Variants in SGSM1 observed in about 807,000 individuals in gnomAD.
SGSM1 encodes RUN and TBC1 domain containing 2.
A neutral mutation model predicts 133.8 loss-of-function variants in SGSM1; 73 were observed. The ratio of observed to expected loss-of-function variants is 0.55; its 90% CI spans 0.45 to 0.66. The LOEUF (loss-of-function observed/expected upper bound fraction) is 0.66. SGSM1 is among the 30% of genes least tolerant of loss of function. The pLI is 0.00. For missense variants in SGSM1, 1,213 were observed against 1,448.1 expected (o/e 0.84, Z 2.64); for synonymous variants, 563 against 573.0 (o/e 0.98, Z 0.25).
At chr22:24,844,619 A>G (rs9612790) in intron 2 of SGSM1, 10,822 of 430,708 alleles carry the variant, frequency 0.025, 194 homozygotes, top group Middle Eastern at 0.047. Flanking sequence ...CAGTGTGGTC[A>G]GGAAAGGAGA....
Position 24,834,490 on chromosome 22 carries a change from C to T in SGSM1, c.64-10407C>T, listed in dbSNP as rs575665655. Among the ~76,000 whole-genome samples the T allele has an allele frequency of 1.3e-3, 201 of 152,306 alleles. 1 individual carries two copies. Among genetic ancestry groups the T allele is most frequent in the Non-Finnish European group, 2.4e-3 (160 of 68,026 alleles). On this transcript the variant is annotated intron_variant, in intron 2 of 24. Transcript: ENST00000400358. ...AGAGTTTAATAGTTGACATGGAGATCATATTACCCACAAAGCAGACATTAT... is the reference window on the plus strand; with the variant it reads ...AGAGTTTAATAGTTGACATGGAGATTATATTACCCACAAAGCAGACATTAT...
Position 24,856,832 on chromosome 22 carries a change from G to A in SGSM1, c.801+1152G>A, listed in dbSNP as rs368758400. Among the ~76,000 whole-genome samples, 53 of 149,982 alleles carry A rather than the reference G, an allele frequency of 3.5e-4. No individual in the cohort carries two copies. In the South Asian group the frequency reaches 3.8e-3, roughly 11 times the overall value. On this transcript the variant is annotated intron_variant, in intron 8 of 24. Coordinates refer to ENST00000400358, the MANE Select transcript of SGSM1 (RefSeq NM_001098497.3). The stretch of plus-strand genomic sequence containing the variant: ...TGCCCAGGCTGGCATGCAGGGGTGC[G>A]ATTTCAGCTCACTGCAAGCTCCACC...
intron 21 of SGSM1, among the ~76,000 whole-genome samples, chr22:24,906,690 C>T (rs1044297310): frequency 1.1e-4 from 16 of 152,206 alleles, no homozygotes; most frequent in East Asian, 5.8e-4. Flanking sequence ...CCCAGCGTTT[C>T]GGGAGGCCAA....
intron 2 of SGSM1, chr22:24,814,001 CCT>C (rs1927912794): frequency 6.6e-6 from 1 of 152,220 alleles, no homozygotes; most frequent in Non-Finnish European, 1.5e-5. Flanking sequence ...GCTTGTGGCT[CCT>C]AACAGGTCCC....
chr22:24,903,313 A>G (rs1276776960), intron 20 of SGSM1, among the ~76,000 whole-genome samples: 1 of 151,576 alleles, frequency 6.6e-6, no homozygotes, highest in African/African-American at 2.4e-5. Context: ...GGTTCAAGCA[A>G]TTCTCCTACC....
chr22:24,814,523 A>G (rs558005954), intron 2 of SGSM1, among the ~76,000 whole-genome samples: 42 of 146,144 alleles, frequency 2.9e-4, no homozygotes, highest in African/African-American at 1.0e-3. Context: ...ACAGGGTTCC[A>G]AGCTCCACCG....
chr22:24,831,998 C>T (rs140689655), intron 2 of SGSM1, among the ~76,000 whole-genome samples: 3 of 152,274 alleles, frequency 2.0e-5, no homozygotes, highest in African/African-American at 7.2e-5. Flanking sequence ...CCCAGAGAGT[C>T]GGGGCAGCAG....
intron 9 of SGSM1, among the ~76,000 whole-genome samples, chr22:24,866,800 T>G (rs1294801813): frequency 6.6e-6 from 1 of 152,186 alleles, no homozygotes; most frequent in East Asian, 1.9e-4. Context: ...TGGGACAGGT[T>G]GATTGGCCAG....
chr22:24,853,769 A>ATTTTTTTTTTTTTT (rs57736929), intron 5 of SGSM1, among the ~76,000 whole-genome samples: 21 of 123,434 alleles, frequency 1.7e-4, no homozygotes, highest in African/African-American at 3.3e-4. Context: ...CGCCTGGTGA[A>ATTTTTTTTTTTTTT]TTTTTTTTTT....
chr22:24,838,493 C>CT (rs1158891571), intron 2 of SGSM1, among the ~76,000 whole-genome samples: 3 of 152,140 alleles, frequency 2.0e-5, no homozygotes, highest in Non-Finnish European at 4.4e-5. Context: ...TTCTTTGATA[C>CT]TTTTTTTGAC....
chr22:24,831,423 G>A (rs1929115044), intron 2 of SGSM1, among the ~76,000 whole-genome samples: 1 of 152,072 alleles, frequency 6.6e-6, no homozygotes, highest in Admixed American at 6.5e-5. Flanking sequence ...TGCACCTCCC[G>A]GGAAGGAGCA....
chr22:24,817,861 T>C (rs1329623120), intron 2 of SGSM1, among the ~76,000 whole-genome samples: 1 of 152,180 alleles, frequency 6.6e-6, no homozygotes, highest in Non-Finnish European at 1.5e-5. Context: ...TTCTTCCTTT[T>C]TGCACACTGC....
chr22:24,901,094 AT>A (rs1342311924), intron 19 of SGSM1: 1 of 152,202 alleles, frequency 6.6e-6, no homozygotes, highest in Non-Finnish European at 1.5e-5. Flanking sequence ...TAACATTTAC[AT>A]TTAATTTAAT....
intron 5 of SGSM1, among the ~76,000 whole-genome samples, chr22:24,852,878 G>T (rs902066180): frequency 6.6e-6 from 1 of 152,140 alleles, no homozygotes; most frequent in Non-Finnish European, 1.5e-5. Context: ...ATTATCTTCA[G>T]ATTTGACACC....
rs9624642 is a variant in SGSM1, at chr22:24,883,973, C to G, written c.1496-80C>G. 5.5e-3 allele frequency: 7,976 copies of G among 1,440,406 alleles called. 384 individuals carry two copies. In the African/African-American group the frequency reaches 0.1, roughly 18 times the overall value. The allele number at this position is 1,440,406 out of a possible 1,614,324, so 89.2% of individuals were successfully genotyped here. A position where few individuals can be genotyped will look rare whatever the true frequency, so the allele number is the denominator to read the frequency against. The stretch of plus-strand genomic sequence containing the variant: ...AAATTTTAAAAAATTTGAGGTGGGA[C>G]AGAACTTGGGAAGTCCCATGAGACA... On this transcript the variant is annotated intron_variant, in intron 14 of 24. Coordinates refer to ENST00000400358, the MANE Select transcript of SGSM1 (RefSeq NM_001098497.3).
chr22:24,903,307 C>A (rs1933230976), intron 20 of SGSM1, among the ~76,000 whole-genome samples: 2 of 151,432 alleles, frequency 1.3e-5, no homozygotes, highest in African/African-American at 4.9e-5. Context: ...CTCCTGGGTT[C>A]AAGCAATTCT....
At chr22:24,838,406 C>CA (rs1929595013) in intron 2 of SGSM1, among the ~76,000 whole-genome samples, 1 of 152,172 alleles carries the variant, frequency 6.6e-6, no homozygotes, top group Non-Finnish European at 1.5e-5. Context: ...TGTAAGAAAA[C>CA]AAGAACTAGG....
chr22:24,912,749 C>T lies in SGSM1; in HGVS notation c.2925C>T (p.Ile975=), dbSNP rs1933679260. Residue 975 remains isoleucine (I), a synonymous_variant, in exon 22 of 25, where the codon ATC becomes ATT. Transcript: ENST00000400358. ...DTHFANMRSL[I]QILDSELFEL... ...ACTTTGCAAACATGAGATCGTTGAT[C>T]CAGGTATGACCCAGCATCCATTCTT... 1 of 1,607,556 alleles carries T rather than the reference C, an allele frequency of 6.2e-7. No homozygotes were observed. Among genetic ancestry groups the T allele is most frequent in the Non-Finnish European group, 8.5e-7 (1 of 1,175,564 alleles).
At chr22:24,865,188 G>A (rs1200620381) in intron 9 of SGSM1, among the ~76,000 whole-genome samples, 1 of 152,206 alleles carries the variant, frequency 6.6e-6, no homozygotes, top group African/African-American at 2.4e-5. Flanking sequence ...ACTATGCACT[G>A]TGAACATTGT....
Sources: allele counts gnomAD v4.1 joint callset (sites outside exome capture counted in the v4.1 genomes callset), GRCh38; gene constraint gnomAD v4.1.1; transcripts MANE v1.5; gene names NCBI Gene and HGNC (gene_info 2026-07-23, HGNC 2026-07-21).